ROBO2: variants seen among roughly 807,000 people sequenced by gnomAD.
The protein encoded by ROBO2 is roundabout guidance receptor 2, also known as roundabout homolog 2.
ROBO2 carries 53 observed loss-of-function variants against 160.8 expected under a neutral mutation model. The observed-to-expected ratio is 0.33, with a 90% confidence interval of 0.26 to 0.41. ROBO2 has a LOEUF of 0.41. ROBO2 is among the 10% of genes least tolerant of loss of function. The pLI is 1.00. For missense variants in ROBO2, 1,577 were observed against 1,722.4 expected (o/e 0.92, Z 1.49); for synonymous variants, 664 against 611.7 (o/e 1.09, Z -1.26).
At chr3:75,913,984 A>T (rs1328296336) in intron 1 of ROBO2, among the ~76,000 whole-genome samples, 19 of 152,184 alleles carry the variant, frequency 1.2e-4, no homozygotes, top group Admixed American at 9.8e-4. Context: ...TGTAACCTAG[A>T]AGAGGATCAT....
chr3:76,398,443 T>G (rs1223302146), intron 2 of ROBO2, among the ~76,000 whole-genome samples: 3 of 151,660 alleles, frequency 2.0e-5, no homozygotes, highest in Non-Finnish European at 4.4e-5. Flanking sequence ...ACCTGCACAT[T>G]GTGCACATAT....
rs144644165 is a variant in ROBO2 at position 77,200,267 on chromosome 3, TTATATATATATATATATATATA to T, written c.388+101961_388+101982del. ...GTATGTATATCCTAACTAACATATT[TTATATATATATATATATATATA>T]TATATATATATATATATATATATAT... On this transcript the variant is annotated intron_variant, in intron 2 of 25. Coordinates refer to ENST00000461745, the Ensembl canonical transcript of ROBO2. 4.9e-3 allele frequency among the ~76,000 whole-genome samples: 230 copies of T among 46,582 alleles called. 5 individuals are homozygous for T. Among genetic ancestry groups the T allele is most frequent in the South Asian group, 0.015 (13 of 886 alleles). 30.6% of individuals were successfully genotyped at this position (46,582 alleles called of 152,430 possible). A position where few individuals can be genotyped will look rare whatever the true frequency, so the allele number is the denominator to read the frequency against.
At chr3:77,087,482 A>G (rs2069478288) in intron 1 of ROBO2, among the ~76,000 whole-genome samples, 1 of 152,176 alleles carries the variant, frequency 6.6e-6, no homozygotes, top group Non-Finnish European at 1.5e-5. Flanking sequence ...AATACCTTCA[A>G]CCATGTAAGA....
chr3:77,098,233 G>T (rs765218623), exon 2 of ROBO2: 2 of 1,614,196 alleles, frequency 1.2e-6, no homozygotes, highest in East Asian at 2.2e-5. Context: ...TTCTTCTTGC[G>T]CATCGTGCAC....
At chr3:76,704,506 CACAG>C (rs760722579) in intron 2 of ROBO2, among the ~76,000 whole-genome samples, 1 of 152,112 alleles carries the variant, frequency 6.6e-6, no homozygotes, top group Non-Finnish European at 1.5e-5. Context: ...AGTAACCAAT[CACAG>C]ACAGACTTTG....
intron 2 of ROBO2, among the ~76,000 whole-genome samples, chr3:77,136,063 A>G (rs1315914534): frequency 6.6e-6 from 1 of 152,120 alleles, no homozygotes; most frequent in Non-Finnish European, 1.5e-5. Context: ...ATAAAGATAT[A>G]TTTTTTACCA....
intron 2 of ROBO2, among the ~76,000 whole-genome samples, chr3:76,675,900 A>G (rs2092395451): frequency 6.6e-6 from 1 of 152,112 alleles, no homozygotes; most frequent in East Asian, 1.9e-4. Flanking sequence ...GAGTTATAAG[A>G]CCATGGACAT....
chr3:77,450,570 A>G (rs1244838884), intron 2 of ROBO2, among the ~76,000 whole-genome samples: 3 of 152,126 alleles, frequency 2.0e-5, no homozygotes, highest in Non-Finnish European at 4.4e-5. Context: ...GGTATATTTA[A>G]TAAATTTCTA....
chr3:77,401,575 G>T (rs140090306), intron 2 of ROBO2, among the ~76,000 whole-genome samples: 1 of 151,838 alleles, frequency 6.6e-6, no homozygotes, highest in African/African-American at 2.4e-5. Flanking sequence ...TGAAAACTTG[G>T]TGGCCTTTAG....
intron 2 of ROBO2, among the ~76,000 whole-genome samples, chr3:76,011,917 C>G (rs1165900273): frequency 6.6e-6 from 1 of 152,150 alleles, no homozygotes; most frequent in Non-Finnish European, 1.5e-5. Context: ...ATCCCCCTTT[C>G]AGCAGTATAG....
At chr3:77,327,489 AT>A (rs565096820) in intron 2 of ROBO2, among the ~76,000 whole-genome samples, 103 of 152,238 alleles carry the variant, frequency 6.8e-4, no homozygotes, top group African/African-American at 2.4e-3. Flanking sequence ...CCATTTTACA[AT>A]TTAAGACCAT....
At chr3:76,131,171 A>G (rs560238690) in intron 2 of ROBO2, among the ~76,000 whole-genome samples, 2 of 152,302 alleles carry the variant, frequency 1.3e-5, no homozygotes, top group African/African-American at 2.4e-5. Flanking sequence ...TTCCTTTTAC[A>G]TAAGTGCTTG....
chr3:76,514,827 T>C (rs1350182945), intron 2 of ROBO2, among the ~76,000 whole-genome samples: 1 of 152,198 alleles, frequency 6.6e-6, no homozygotes, highest in Non-Finnish European at 1.5e-5. Flanking sequence ...AGAGGTTAGA[T>C]ACATGATTGC....
chr3:77,474,657 TACACACAC>T (rs9286680), intron 2 of ROBO2, among the ~76,000 whole-genome samples: 47 of 128,486 alleles, frequency 3.7e-4, no homozygotes, highest in African/African-American at 1.1e-3. Context: ...TTAGGGGGAA[TACACACAC>T]ACACACACAC....
intron 2 of ROBO2, among the ~76,000 whole-genome samples, chr3:76,141,028 C>A (rs1390380098): frequency 4.5e-5 from 4 of 88,714 alleles, no homozygotes; most frequent in Non-Finnish European, 9.5e-5. Flanking sequence ...GAAAATTGTA[C>A]ACACACACAC....
At chr3:76,401,057 G>T (rs571529995) in intron 2 of ROBO2, among the ~76,000 whole-genome samples, 1 of 151,420 alleles carries the variant, frequency 6.6e-6, no homozygotes, top group African/African-American at 2.4e-5. Flanking sequence ...ATGAGATTTT[G>T]CATTGGTCAA....
chr3:77,231,479 C>T (rs2087205981), intron 2 of ROBO2, among the ~76,000 whole-genome samples: 1 of 151,782 alleles, frequency 6.6e-6, no homozygotes, highest in African/African-American at 2.4e-5. Flanking sequence ...TGATGAGGTC[C>T]CCTTATCCTT....
At position 76,812,909 on chromosome 3, in the gene ROBO2, A is replaced by ATTTTTTTTTTTTTT. The variant is rs71104626; in HGVS notation, c.110-285092_110-285079dup. 1.6e-3 allele frequency among the ~76,000 whole-genome samples: 163 copies of ATTTTTTTTTTTTTT among 104,654 alleles called. 5 individuals are homozygous for ATTTTTTTTTTTTTT. The highest frequency in any genetic ancestry group is 4.2e-3 in the African/African-American group (116 of 27,536). The allele number at this position is 104,654 out of a possible 152,430, so 68.7% of individuals were successfully genotyped here. A position where few individuals can be genotyped will look rare whatever the true frequency, so the allele number is the denominator to read the frequency against. ...AAAGTGTCCTGGCACAGAAGTATAA[A>ATTTTTTTTTTTTTT]TTTTTTTTTTTTTTTTTTTTTTTTT... On this transcript the variant is annotated intron_variant, in intron 2 of 26. Coordinates refer to the ROBO2 transcript ENST00000487694.
intron 2 of ROBO2, among the ~76,000 whole-genome samples, chr3:76,462,351 A>AT (rs1272764936): frequency 6.6e-6 from 1 of 152,118 alleles, no homozygotes; most frequent in Admixed American, 6.6e-5. Context: ...CATTCGAGCG[A>AT]TTTTTTGATA....
Sources: allele counts gnomAD v4.1 joint callset (sites outside exome capture counted in the v4.1 genomes callset), GRCh38; gene constraint gnomAD v4.1.1; transcripts MANE v1.5; gene names NCBI Gene and HGNC (gene_info 2026-07-23, HGNC 2026-07-21).